AGAP1: variants seen among roughly 807,000 people sequenced by gnomAD.
AGAP1 encodes the protein arf-GAP with GTPase, ANK repeat and PH domain-containing protein 1.
Under a neutral mutation model 105.3 loss-of-function variants are expected in AGAP1, and 29 were observed. The ratio of observed to expected loss-of-function variants is 0.28; its 90% CI spans 0.21 to 0.38. AGAP1 has a LOEUF of 0.38. Ranked by LOEUF, AGAP1 falls within the 10% of genes least tolerant of loss-of-function variation. AGAP1 has a pLI of 1.00. For missense variants in AGAP1, 998 were observed against 1,165.1 expected, an observed-to-expected ratio of 0.86 and a Z score of 2.09; for synonymous variants, 509 against 485.9, an observed-to-expected ratio of 1.05 and a Z score of -0.63.
At chr2:235,697,100 C>T (rs1024844502) in intron 1 of AGAP1, among the ~76,000 whole-genome samples, 1 of 152,226 alleles carries the variant, frequency 6.6e-6, no homozygotes, top group Non-Finnish European at 1.5e-5. Flanking sequence ...CTGAGAGAAG[C>T]TGGGACAGCC....
chr2:236,094,322 G>A (rs2059138870), intron 16 of AGAP1, among the ~76,000 whole-genome samples: 1 of 151,018 alleles, frequency 6.6e-6, no homozygotes, highest in African/African-American at 2.4e-5. Flanking sequence ...AATACGATGG[G>A]TCACCATGGC....
In AGAP1 at chr2:235,934,608, A is replaced by G. The variant is rs1166774499; in HGVS notation, c.1483+3685A>G. Reference sequence around the variant, plus strand: ...GGCTTAGAAAATAATCACAGAAGAAACAAACATGATTAAGAGCTTTCTGTC... The same window carrying G: ...GGCTTAGAAAATAATCACAGAAGAAGCAAACATGATTAAGAGCTTTCTGTC... On this transcript the variant is annotated intron_variant, in intron 12 of 17. Transcript: ENST00000304032. This position sits in a 1 kb window ranked among gnomAD's most constrained non-coding sequence, Gnocchi z 4.9. 6.6e-6 allele frequency among the ~76,000 whole-genome samples: 1 copy of G among 152,176 alleles called. No homozygotes were observed. Among genetic ancestry groups the G allele is most frequent in the Non-Finnish European group, 1.5e-5 (1 of 68,028 alleles).
intron 11 of AGAP1, among the ~76,000 whole-genome samples, chr2:235,912,262 T>A (rs1431789598): frequency 4.6e-5 from 7 of 152,228 alleles, no homozygotes. Context: ...CTTTGAAAAT[T>A]GAGTTTCTTG....
chr2:235,731,108 T>C (rs1177329849), intron 3 of AGAP1, among the ~76,000 whole-genome samples: 2 of 152,194 alleles, frequency 1.3e-5, no homozygotes, highest in Non-Finnish European at 2.9e-5. Context: ...GTGTCTGACA[T>C]GTAATGGGGA....
In AGAP1 at chr2:235,930,349, A is replaced by G. The variant is rs2052660457; in HGVS notation, c.1325-416A>G. ...CCAGACAGTTGACTCTCAATGGGTG[A>G]TCATTTTCTGTTCCATTGGTAGGGT... On this transcript the variant is annotated intron_variant, in intron 11 of 17. Coordinates refer to ENST00000304032, the MANE Select transcript of AGAP1 (RefSeq NM_001037131.3). This position sits in a 1 kb window ranked among gnomAD's most constrained non-coding sequence, Gnocchi z 7.9. Among the ~76,000 whole-genome samples, 1 of 152,144 alleles carries G rather than the reference A, an allele frequency of 6.6e-6. No homozygotes were observed. The highest frequency in any genetic ancestry group is 2.1e-4 in the South Asian group (1 of 4,832).
rs1190958925 is a variant in AGAP1, at chr2:235,733,807, G to A, written c.311-7156G>A. On this transcript the variant is annotated intron_variant, in intron 3 of 17. Coordinates refer to ENST00000304032, the MANE Select transcript of AGAP1 (RefSeq NM_001037131.3). The surrounding 1 kb of genome is among the most constrained non-coding windows in gnomAD (Gnocchi z 5.0). The stretch of plus-strand genomic sequence containing the variant: ...CCTCACTCACTGCTGGTACCTTTGT[G>A]TAGTAGTTACTTTGTATTTTACAAT... Among the ~76,000 whole-genome samples the A allele has an allele frequency of 2.6e-5, 4 of 152,010 alleles. No homozygotes were observed. The highest frequency in any genetic ancestry group is 4.8e-5 in the African/African-American group (2 of 41,362).
intron 6 of AGAP1, among the ~76,000 whole-genome samples, chr2:235,784,449 A>C (rs1956482631): frequency 6.6e-6 from 1 of 152,190 alleles, no homozygotes; most frequent in African/African-American, 2.4e-5. Context: ...ATTAACACTT[A>C]ACATTATTAG....
chr2:235,871,999 T>C (rs2049468663), intron 9 of AGAP1, among the ~76,000 whole-genome samples: 1 of 152,206 alleles, frequency 6.6e-6, no homozygotes, highest in Non-Finnish European at 1.5e-5. Flanking sequence ...AAGCAGTCTG[T>C]TTCAGTGTCC....
rs1172393048 is a variant in AGAP1 at position 235,746,377 on chromosome 2, C to CTTTTTTTTT, written c.538+1564_538+1572dup. ...GCTTCCTGGAGAGCACCTCCCCCAA[C>CTTTTTTTTT]TTTTTTTTTTTTTTTTTTTTTTTTT... On this transcript the variant is annotated intron_variant, in intron 5 of 17. Coordinates refer to ENST00000304032, the MANE Select transcript of AGAP1 (RefSeq NM_001037131.3). 2.6e-3 allele frequency among the ~76,000 whole-genome samples: 144 copies of CTTTTTTTTT among 55,560 alleles called. 23 individuals carry two copies. The highest frequency in any genetic ancestry group is 4.1e-3 in the African/African-American group (51 of 12,472). 36.4% of individuals were successfully genotyped at this position (55,560 alleles called of 152,430 possible). A position where few individuals can be genotyped will look rare whatever the true frequency, so the allele number is the denominator to read the frequency against.
At position 235,879,325 on chromosome 2, in the gene AGAP1, G is replaced by A. The variant is rs73126477; in HGVS notation, c.1051-4020G>A. Among the ~76,000 whole-genome samples, 359 of 152,312 alleles carry A rather than the reference G, an allele frequency of 2.4e-3. 1 individual carries two copies. Among genetic ancestry groups the A allele is most frequent in the African/African-American group, 8.2e-3 (339 of 41,568 alleles). On this transcript the variant is annotated intron_variant, in intron 9 of 17. Transcript: ENST00000304032. This position sits in a 1 kb window ranked among gnomAD's most constrained non-coding sequence, Gnocchi z 5.0. Reference sequence around the variant, plus strand: ...AGACCACAGCCATGACATGGCAAGCGGGGCAGCCAAGTGGCTCTTGGTCGC... The same window carrying A: ...AGACCACAGCCATGACATGGCAAGCAGGGCAGCCAAGTGGCTCTTGGTCGC...
rs2054977261 is a variant in AGAP1, at chr2:235,979,025, G to C, written c.1645+10402G>C. Among the ~76,000 whole-genome samples, 1 of 151,978 alleles carries C rather than the reference G, an allele frequency of 6.6e-6. No individual in the cohort carries two copies. The highest frequency in any genetic ancestry group is 1.5e-5 in the Non-Finnish European group (1 of 68,006). Reference sequence around the variant, plus strand: ...TCTCTTGAAATTTTTTTGGACTTACGGACATTTAATTCAGATGCAGTGAAC... The same window carrying C: ...TCTCTTGAAATTTTTTTGGACTTACCGACATTTAATTCAGATGCAGTGAAC... On this transcript the variant is annotated intron_variant, in intron 13 of 17. Transcript: ENST00000304032. This position sits in a 1 kb window ranked among gnomAD's most constrained non-coding sequence, Gnocchi z 4.5.
intron 16 of AGAP1, among the ~76,000 whole-genome samples, chr2:236,111,453 C>T (rs2059638286): frequency 1.3e-5 from 2 of 151,790 alleles, no homozygotes; most frequent in South Asian, 2.1e-4. Context: ...AGCAATCCAG[C>T]CTGCTCAAAC....
chr2:235,850,553 G>A (rs771879219), intron 9 of AGAP1, among the ~76,000 whole-genome samples: 24 of 152,220 alleles, frequency 1.6e-4, no homozygotes, highest in Non-Finnish European at 3.1e-4. Context: ...GATTTCAGAG[G>A]CCTCACTTGG....
In AGAP1 at chr2:235,596,612, A is replaced by G. The variant is rs1323592246; in HGVS notation, c.163+101763A>G. Reference sequence around the variant, plus strand: ...CTGGTTGCAGGTGCTGTGTCATCGTATGGCTGTATTTGAGGGGATTGTGTA... The same window carrying G: ...CTGGTTGCAGGTGCTGTGTCATCGTGTGGCTGTATTTGAGGGGATTGTGTA... On this transcript the variant is annotated intron_variant, in intron 1 of 17. Coordinates refer to ENST00000304032, the MANE Select transcript of AGAP1 (RefSeq NM_001037131.3). The surrounding 1 kb of genome is among the most constrained non-coding windows in gnomAD (Gnocchi z 5.9). Among the ~76,000 whole-genome samples the G allele has an allele frequency of 1.3e-5, 2 of 152,130 alleles. No individual in the cohort carries two copies. Among genetic ancestry groups the G allele is most frequent in the African/African-American group, 4.8e-5 (2 of 41,422 alleles).
intron 13 of AGAP1, among the ~76,000 whole-genome samples, chr2:235,984,139 A>G (rs939609212): frequency 7.9e-5 from 12 of 152,212 alleles, no homozygotes; most frequent in Non-Finnish European, 1.6e-4. Flanking sequence ...GATATTTCAT[A>G]TCAAAAGAAT....
chr2:235,832,292 C>T (rs1332748858), intron 9 of AGAP1, among the ~76,000 whole-genome samples: 1 of 152,070 alleles, frequency 6.6e-6, no homozygotes, highest in Non-Finnish European at 1.5e-5. Context: ...CTTCTTTTCC[C>T]TCCTAATAAT....
chr2:235,543,945 G>C (rs1443038050), intron 1 of AGAP1, among the ~76,000 whole-genome samples: 1 of 152,164 alleles, frequency 6.6e-6, no homozygotes, highest in East Asian at 1.9e-4. Flanking sequence ...CAGATAGGAA[G>C]AGTTCTCTCT....
chr2:235,819,503 C>T (rs979188506), intron 9 of AGAP1, among the ~76,000 whole-genome samples: 8 of 152,136 alleles, frequency 5.3e-5, no homozygotes, highest in Admixed American at 1.3e-4. Context: ...CACATGGAGT[C>T]ACTTAGGGCT....
At chr2:235,671,374 G>A (rs1030016423) in intron 1 of AGAP1, among the ~76,000 whole-genome samples, 1 of 152,188 alleles carries the variant, frequency 6.6e-6, no homozygotes, top group Non-Finnish European at 1.5e-5. Context: ...GCGGGAGCGG[G>A]CCCTGAGCTG....
Sources: allele counts gnomAD v4.1 joint callset (sites outside exome capture counted in the v4.1 genomes callset), GRCh38; gene constraint gnomAD v4.1.1; non-coding constraint Gnocchi (gnomAD v3.1); transcripts MANE v1.5; gene names NCBI Gene and HGNC (gene_info 2026-07-23, HGNC 2026-07-21).